Variants in GALNTL6 observed in about 807,000 individuals in gnomAD.
GALNTL6 encodes the protein polypeptide N-acetylgalactosaminyltransferase-like 6.
Under a neutral mutation model 73.7 loss-of-function variants are expected in GALNTL6, and 46 were observed. The ratio of observed to expected loss-of-function variants is 0.62; its 90% CI spans 0.49 to 0.80. The LOEUF is 0.80. GALNTL6 is among the 30% of genes least tolerant of loss of function. The probability of loss-of-function intolerance (pLI) is 0.00; values close to 1 mark genes in which losing one functional copy is unlikely to be tolerated. For synonymous variants in GALNTL6, 259 were observed against 263.7 expected (o/e 0.98, Z 0.17); for missense variants, 604 against 755.0 (o/e 0.80, Z 2.34).
At chr4:172,570,055 G>T (rs1287288086) in intron 5 of GALNTL6, among the ~76,000 whole-genome samples, 2 of 152,294 alleles carry the variant, frequency 1.3e-5, no homozygotes, top group East Asian at 3.9e-4. Flanking sequence ...GATGATCTTT[G>T]TCAGATGTAT....
intron 7 of GALNTL6, among the ~76,000 whole-genome samples, chr4:172,862,311 A>T (rs1338400186): frequency 6.6e-6 from 1 of 152,198 alleles, no homozygotes; most frequent in Admixed American, 6.5e-5. Flanking sequence ...CCTGCCCCAG[A>T]GGTCTGTGGA....
intron 3 of GALNTL6, among the ~76,000 whole-genome samples, chr4:172,251,486 C>A (rs190276181): frequency 2.4e-4 from 36 of 152,276 alleles, no homozygotes; most frequent in African/African-American, 8.2e-4. Context: ...GAAGTTAATT[C>A]TCTGTGGGCC....
intron 5 of GALNTL6, among the ~76,000 whole-genome samples, chr4:172,579,640 T>C (rs1043412338): frequency 1.3e-5 from 2 of 152,190 alleles, no homozygotes; most frequent in African/African-American, 4.8e-5. Flanking sequence ...TAACTGGGAA[T>C]AATTGACTTA....
chr4:172,548,491 A>G (rs938017376), intron 5 of GALNTL6, among the ~76,000 whole-genome samples: 3 of 152,208 alleles, frequency 2.0e-5, no homozygotes, highest in Non-Finnish European at 4.4e-5. Context: ...CCCCCGGTAC[A>G]TGGTATGTGG....
intron 9 of GALNTL6, among the ~76,000 whole-genome samples, chr4:172,944,668 G>C (rs1051334010): frequency 6.6e-6 from 1 of 152,204 alleles, no homozygotes; most frequent in Non-Finnish European, 1.5e-5. Context: ...TGTTCATACA[G>C]CTTTATTTGT....
chr4:172,379,063 CA>C (rs1205422845), intron 5 of GALNTL6, among the ~76,000 whole-genome samples: 2 of 152,100 alleles, frequency 1.3e-5, no homozygotes, highest in African/African-American at 4.8e-5. Flanking sequence ...ACAAGCCATA[CA>C]AAATGGTCAC....
intron 2 of GALNTL6, among the ~76,000 whole-genome samples, chr4:171,826,896 A>G (rs1734839867): frequency 6.6e-6 from 1 of 152,068 alleles, no homozygotes; most frequent in South Asian, 2.1e-4. Flanking sequence ...ATTCCCAACC[A>G]ACACCCATAC....
intron 5 of GALNTL6, among the ~76,000 whole-genome samples, chr4:172,776,122 T>C (rs1739059374): frequency 1.3e-5 from 2 of 152,190 alleles, no homozygotes; most frequent in South Asian, 2.1e-4. Context: ...CCACGGAAAC[T>C]GAGATAATTA....
At chr4:172,956,635 T>C (rs1749766927) in intron 10 of GALNTL6, among the ~76,000 whole-genome samples, 1 of 152,092 alleles carries the variant, frequency 6.6e-6, no homozygotes, top group Non-Finnish European at 1.5e-5. Flanking sequence ...ACAGTCCAAG[T>C]TGGTCTGGTG....
At position 171,920,194 on chromosome 4, in the gene GALNTL6, A is replaced by T. The variant is rs550528468; in HGVS notation, c.138+105476A>T. Among the ~76,000 whole-genome samples, 488 of 152,180 alleles carry T rather than the reference A, an allele frequency of 3.2e-3. 3 individuals carry two copies. Among genetic ancestry groups the T allele is most frequent in the African/African-American group, 0.011 (467 of 41,524 alleles). ...AATTGCAAAATGAGAACACATGGAC[A>T]CAGGAAGGGGAACATCACACACCGG... On this transcript the variant is annotated intron_variant, in intron 2 of 12. Transcript: ENST00000506823.
At chr4:171,816,110 T>C (rs1455616395) in intron 2 of GALNTL6, 1 of 152,140 alleles carries the variant, frequency 6.6e-6, no homozygotes, top group Non-Finnish European at 1.5e-5. Flanking sequence ...ACCCTTGATG[T>C]AAAACAGGAT....
intron 7 of GALNTL6, among the ~76,000 whole-genome samples, chr4:172,826,831 T>G (rs955614234): frequency 3.9e-5 from 6 of 152,212 alleles, no homozygotes; most frequent in Admixed American, 1.3e-4. Flanking sequence ...GGGTAGATTC[T>G]CAGTAAATTC....
intron 5 of GALNTL6, among the ~76,000 whole-genome samples, chr4:172,582,202 G>A (rs1439689997): frequency 6.6e-6 from 1 of 152,206 alleles, no homozygotes; most frequent in Non-Finnish European, 1.5e-5. Context: ...TGGGGGAGCA[G>A]ATACCACAGT....
At chr4:172,450,604 AGAT>A (rs1732175368) in intron 5 of GALNTL6, among the ~76,000 whole-genome samples, 1 of 152,240 alleles carries the variant, frequency 6.6e-6, no homozygotes, top group African/African-American at 2.4e-5. Flanking sequence ...AGTTGTAATC[AGAT>A]GAAATGATTG....
At chr4:172,482,705 T>C (rs1733533890) in intron 5 of GALNTL6, among the ~76,000 whole-genome samples, 1 of 152,254 alleles carries the variant, frequency 6.6e-6, no homozygotes, top group Non-Finnish European at 1.5e-5. Flanking sequence ...AAACATGAGA[T>C]AGTTTGACAC....
At chr4:172,242,455 A>G (rs574716654) in intron 3 of GALNTL6, among the ~76,000 whole-genome samples, 1 of 152,208 alleles carries the variant, frequency 6.6e-6, no homozygotes, top group South Asian at 2.1e-4. Context: ...AAATATTGTC[A>G]CTGCATTTGC....
At chr4:172,740,795 G>A (rs1288919478) in intron 5 of GALNTL6, among the ~76,000 whole-genome samples, 1 of 152,104 alleles carries the variant, frequency 6.6e-6, no homozygotes, top group African/African-American at 2.4e-5. Context: ...GTAGGTGTAA[G>A]ACTGTGATGT....
chr4:172,320,716 G>A (rs1740728664), intron 4 of GALNTL6, among the ~76,000 whole-genome samples: 1 of 151,812 alleles, frequency 6.6e-6, no homozygotes, highest in Non-Finnish European at 1.5e-5. Context: ...TATATCCCAG[G>A]GCACTGTTAA....
intron 5 of GALNTL6, among the ~76,000 whole-genome samples, chr4:172,480,734 G>A (rs1733421742): frequency 6.6e-6 from 1 of 152,128 alleles, no homozygotes; most frequent in African/African-American, 2.4e-5. Context: ...ATTTGTTTGT[G>A]GTCAGATGTG....
Sources: gnomAD v4.1 joint callset for allele counts (sites outside exome capture counted in the v4.1 genomes callset) on GRCh38, gnomAD v4.1.1 for gene constraint, MANE v1.5 for transcripts, NCBI Gene and HGNC (gene_info 2026-07-23, HGNC 2026-07-21) for gene names.